Variants in SLX4IP observed in about 807,000 individuals in gnomAD.
SLX4IP encodes the protein protein SLX4IP.
SLX4IP carries 34 observed loss-of-function variants against 32.9 expected under a neutral mutation model. That is an observed-to-expected ratio of 1.03 (90% CI 0.79 to 1.38). SLX4IP has a LOEUF of 1.38. Among genes scored for constraint, SLX4IP ranks in the 40% most tolerant of loss-of-function variants. The probability of loss-of-function intolerance (pLI) is 0.00; values close to 1 mark genes in which losing one functional copy is unlikely to be tolerated. For missense variants in SLX4IP, 444 were observed against 479.0 expected (o/e 0.93, Z 0.68); for synonymous variants, 172 against 171.7 (o/e 1.00, Z -0.01).
rs529744467 is a variant in SLX4IP, at chr20:10,494,877, G to A, written c.27+36646G>A. Among the ~76,000 whole-genome samples the A allele has an allele frequency of 8.5e-5, 13 of 152,076 alleles. No individual in the cohort carries two copies. In the South Asian group the frequency reaches 2.5e-3, roughly 29 times the overall value. On this transcript the variant is annotated intron_variant, in intron 2 of 7. Transcript: ENST00000334534. ...AGTGATGGAGAGATGGCCATCAAGG[G>A]GTACAAAGTTTCAGTTAGGAGAAAT...
At chr20:10,599,552 C>T (rs2066816640) in intron 5 of SLX4IP, among the ~76,000 whole-genome samples, 2 of 151,056 alleles carry the variant, frequency 1.3e-5, no homozygotes, top group South Asian at 4.2e-4. Flanking sequence ...TGCCACCATG[C>T]CTGGCTTTTT....
intron 6 of SLX4IP, among the ~76,000 whole-genome samples, chr20:10,610,875 A>G (rs1386720792): frequency 6.7e-6 from 1 of 150,100 alleles, no homozygotes; most frequent in African/African-American, 2.4e-5. Flanking sequence ...TTTAAAAAGT[A>G]TTATTAGTGA....
chr20:10,459,603 C>T (rs879355959), intron 2 of SLX4IP, among the ~76,000 whole-genome samples: 4 of 152,312 alleles, frequency 2.6e-5, no homozygotes, highest in Non-Finnish European at 5.9e-5. Context: ...CTTGATTTCT[C>T]ATTATGTCAA....
rs2066130453 is a variant in SLX4IP at position 10,543,475 on chromosome 20, C to T, written c.28-12756C>T. 3.3e-5 allele frequency among the ~76,000 whole-genome samples: 5 copies of T among 152,246 alleles called. No homozygotes were observed. In the South Asian group the frequency reaches 1.0e-3, roughly 32 times the overall value. On this transcript the variant is annotated intron_variant, in intron 2 of 7. Coordinates refer to ENST00000334534, the MANE Select transcript of SLX4IP (RefSeq NM_001009608.3). The stretch of plus-strand genomic sequence containing the variant: ...CATGTAAACTGCCCAGTGTCTGAAA[C>T]CTTGAGACTGATGAAAGTGCAGATG...
chr20:10,472,765 G>A (rs141641477), intron 2 of SLX4IP, among the ~76,000 whole-genome samples: 1 of 152,228 alleles, frequency 6.6e-6, no homozygotes, highest in African/African-American at 2.4e-5. Context: ...TTAGCACAGA[G>A]TCACGACCCA....
At position 10,626,215 on chromosome 20, in the gene SLX4IP, T is replaced by TA; in HGVS notation, c.*2837dup. The TA allele has an allele frequency of 7.0e-6, 1 of 142,508 alleles. No homozygotes were observed. Among genetic ancestry groups the TA allele is most frequent in the South Asian group, 2.2e-4 (1 of 4,460 alleles). The allele number at this position is 142,508 out of a possible 1,614,324, so 8.8% of individuals were successfully genotyped here. A position where few individuals can be genotyped will look rare whatever the true frequency, so the allele number is the denominator to read the frequency against. ...ATTTTTTTTTTTTTTTTTTTTTTTT[T>TA]AGCAGAAACGGGTTTTCACCGTGTT... On this transcript the variant is annotated 3_prime_UTR_variant, in exon 8 of 8. Coordinates refer to ENST00000334534, the MANE Select transcript of SLX4IP (RefSeq NM_001009608.3).
At chr20:10,473,809 T>C (rs1223714031) in intron 2 of SLX4IP, among the ~76,000 whole-genome samples, 2 of 151,824 alleles carry the variant, frequency 1.3e-5, no homozygotes, top group Non-Finnish European at 2.9e-5. Context: ...TTTCACCATG[T>C]TGGCCCGGCT....
At chr20:10,575,905 T>C (rs1038238416) in intron 4 of SLX4IP, among the ~76,000 whole-genome samples, 8 of 152,136 alleles carry the variant, frequency 5.3e-5, no homozygotes, top group African/African-American at 1.9e-4. Context: ...TAAATATCAG[T>C]AAGAGCCCTT....
chr20:10,469,946 G>C (rs1207124516), intron 2 of SLX4IP, among the ~76,000 whole-genome samples: 1 of 152,204 alleles, frequency 6.6e-6, no homozygotes, highest in Non-Finnish European at 1.5e-5. Flanking sequence ...ACCGAGGGAA[G>C]ACAGTCCCAA....
chr20:10,465,252 T>C (rs1049943653), intron 2 of SLX4IP, among the ~76,000 whole-genome samples: 1 of 151,970 alleles, frequency 6.6e-6, no homozygotes, highest in African/African-American at 2.4e-5. Context: ...CTCTTTAGGG[T>C]AGGGAAAAGA....
intron 1 of SLX4IP, among the ~76,000 whole-genome samples, chr20:10,444,232 C>T (rs1456600128): frequency 6.6e-6 from 1 of 152,184 alleles, no homozygotes; most frequent in Non-Finnish European, 1.5e-5. Flanking sequence ...CTGGCATCAC[C>T]ATGTGTTTTA....
chr20:10,619,083 TCCTGCCCA>T (rs944131894), intron 6 of SLX4IP, among the ~76,000 whole-genome samples: 4 of 152,196 alleles, frequency 2.6e-5, no homozygotes, highest in African/African-American at 9.6e-5. Context: ...ATCTTTTTTT[TCCTGCCCA>T]CCCAGTCTTC....
intron 1 of SLX4IP, among the ~76,000 whole-genome samples, chr20:10,447,290 GTT>G (rs5840376): frequency 6.6e-6 from 1 of 151,868 alleles, no homozygotes; most frequent in African/African-American, 2.4e-5. Flanking sequence ...CAGTACGTTA[GTT>G]TTTTTACCTT....
intron 2 of SLX4IP, among the ~76,000 whole-genome samples, chr20:10,540,096 TTTCCTTCCTTCCTTCCTTCCTTCC>T (rs61054747): frequency 8.9e-6 from 1 of 111,750 alleles, no homozygotes; most frequent in African/African-American, 3.2e-5. Flanking sequence ...CCTTCCTTCC[TTTCCTTCCTTCCTTCCTTCCTTCC>T]TTCCTTCCTT....
chr20:10,531,449 A>G (rs933870692), intron 2 of SLX4IP, among the ~76,000 whole-genome samples: 1 of 151,882 alleles, frequency 6.6e-6, no homozygotes, highest in African/African-American at 2.4e-5. Flanking sequence ...GTCTTCTATG[A>G]CTCTTGTGTT....
intron 4 of SLX4IP, among the ~76,000 whole-genome samples, chr20:10,561,088 T>C (rs1258773292): frequency 6.6e-6 from 1 of 152,172 alleles, no homozygotes; most frequent in Non-Finnish European, 1.5e-5. Context: ...ATTTTTAAGG[T>C]TTTTTTATTT....
At chr20:10,435,683 T>C (rs2065105184) in intron 1 of SLX4IP, among the ~76,000 whole-genome samples, 1 of 152,228 alleles carries the variant, frequency 6.6e-6, no homozygotes, top group Non-Finnish European at 1.5e-5. Flanking sequence ...AAGTTAACTG[T>C]CTTTGCACAA....
At chr20:10,438,341 G>A (rs1271591178) in intron 1 of SLX4IP, among the ~76,000 whole-genome samples, 1 of 151,710 alleles carries the variant, frequency 6.6e-6, no homozygotes, top group Non-Finnish European at 1.5e-5. Flanking sequence ...ACCTCATCAA[G>A]ATAATGAAGG....
chr20:10,496,125 G>C (rs1295845846), intron 2 of SLX4IP, among the ~76,000 whole-genome samples: 1 of 151,314 alleles, frequency 6.6e-6, no homozygotes, highest in Non-Finnish European at 1.5e-5. Context: ...TTTTTTGCTT[G>C]CCATTCTTTT....
Sources: allele counts gnomAD v4.1 joint callset (sites outside exome capture counted in the v4.1 genomes callset), GRCh38; gene constraint gnomAD v4.1.1; transcripts MANE v1.5; gene names NCBI Gene and HGNC (gene_info 2026-07-23, HGNC 2026-07-21).